MKRN1: variants seen among roughly 807,000 people sequenced by gnomAD.
MKRN1 encodes E3 ubiquitin-protein ligase makorin-1.
A neutral mutation model predicts 55.5 loss-of-function variants in MKRN1; 9 were observed. That is an observed-to-expected ratio of 0.16 (90% CI 0.10 to 0.28). The LOEUF is 0.28. Ranked by LOEUF, MKRN1 falls within the 10% of genes least tolerant of loss-of-function variation. MKRN1 has a pLI of 1.00. For synonymous variants in MKRN1, 253 were observed against 235.9 expected, an observed-to-expected ratio of 1.07 and a Z score of -0.66; for missense variants, 488 against 626.7, an observed-to-expected ratio of 0.78 and a Z score of 2.36.
intron 2 of MKRN1, among the ~76,000 whole-genome samples, chr7:140,464,598 G>A (rs752630346): frequency 1.3e-5 from 2 of 151,860 alleles, no homozygotes; most frequent in Non-Finnish European, 2.9e-5. Context: ...TCAGCTACTC[G>A]GGAGACTGAG....
chr7:140,472,113 A>T, intron 1 of MKRN1, 102 bp from the exon 2 acceptor site: 2 of 1,471,300 alleles, frequency 1.4e-6, no homozygotes, highest in Non-Finnish European at 1.9e-6. Context: ...AAATACACAA[A>T]CATACGAAAT....
chr7:140,455,475 ATCT>A (rs985667867), intron 6 of MKRN1: 1 of 571,824 alleles, frequency 1.7e-6, no homozygotes, highest in Non-Finnish European at 3.1e-6. Context: ...TAGAGAGAAA[ATCT>A]TCTAGAAAGC....
At chr7:140,465,651 G>GA (rs1208676796) in intron 2 of MKRN1, among the ~76,000 whole-genome samples, 1 of 152,092 alleles carries the variant, frequency 6.6e-6, no homozygotes, top group African/African-American at 2.4e-5. Flanking sequence ...CCACCATTAC[G>GA]AAACACTGAT....
chr7:140,456,324 AT>A, intron 5 of MKRN1: 1 of 1,211,336 alleles, frequency 8.3e-7, no homozygotes, highest in Non-Finnish European at 1.0e-6. Flanking sequence ...GAAAGTGGAA[AT>A]GTAAAACGTC....
intron 2 of MKRN1, among the ~76,000 whole-genome samples, chr7:140,467,950 C>T (rs184293482): frequency 1.4e-5 from 2 of 143,166 alleles, no homozygotes; most frequent in African/African-American, 2.7e-5. Context: ...TGCGGTGAGC[C>T]GAGATCATGC....
Position 140,479,168 on chromosome 7 carries a change from G to C in MKRN1, c.177C>G (p.Val59=). 3 of 1,442,588 alleles carry C rather than the reference G, an allele frequency of 2.1e-6. No homozygotes were observed. The highest frequency in any genetic ancestry group is 1.4e-5 in the South Asian group (1 of 71,872). 89.4% of individuals were successfully genotyped at this position (1,442,588 alleles called of 1,614,324 possible). The change falls in exon 1 of 8, where the codon GTC becomes GTG. Residue 59 remains valine, a synonymous_variant. Transcript: ENST00000255977. ...GCCGCGCAACGTCCTACCTGCAGGT[G>C]ACCTGTTTAGTCCAGCCGCCGCCGC... ...DGSGGGWTKQ[V]TCRYFMHGVC...
At chr7:140,462,739 T>C (rs943398572) in intron 2 of MKRN1, among the ~76,000 whole-genome samples, 1 of 151,924 alleles carries the variant, frequency 6.6e-6, no homozygotes, top group Admixed American at 6.6e-5. Flanking sequence ...CTGAGGTGGG[T>C]GGATCACGAG....
intron 6 of MKRN1, 83 bp from the exon 7 acceptor site, chr7:140,455,316 G>GT: frequency 6.5e-7 from 1 of 1,549,342 alleles, no homozygotes; most frequent in Non-Finnish European, 8.8e-7. Context: ...CTTTAAACAG[G>GT]TAGGGATAGA....
intron 5 of MKRN1, chr7:140,456,426 G>A (rs941320530): frequency 7.3e-6 from 10 of 1,375,260 alleles, no homozygotes; most frequent in South Asian, 4.7e-5. Context: ...GAAAAAGCAC[G>A]AAGATTCTAA....
intron 2 of MKRN1, among the ~76,000 whole-genome samples, chr7:140,470,534 G>A (rs529044547): frequency 4.6e-5 from 7 of 152,076 alleles, no homozygotes; most frequent in Non-Finnish European, 7.4e-5. Flanking sequence ...GCAGTGAGCC[G>A]AAATTGCGCC....
intron 1 of MKRN1, among the ~76,000 whole-genome samples, chr7:140,474,005 A>AAGAAAGAAAGAAAGAAAGAAAAAGAAAG (rs1554450299): frequency 1.5e-5 from 1 of 65,658 alleles, no homozygotes; most frequent in African/African-American, 9.6e-5. Context: ...AAAAAAAAAA[A>AAGAAAGAAAGAAAGAAAGAAAAAGAAAG]AAAGAAAGAA....
rs574470350 is a variant in MKRN1 at position 140,473,136 on chromosome 7, C to A, written c.186-1125G>T. ...AAAGAAAAAGAAAAAAAGATATAGT[C>A]TACGTCAAAGAATTTCTCCTCCAAA... On this transcript the variant is annotated intron_variant, in intron 1 of 7. Coordinates refer to ENST00000255977, the MANE Select transcript of MKRN1 (RefSeq NM_013446.4). 1.7e-3 allele frequency: 644 copies of A among 388,234 alleles called. 4 individuals are homozygous for A. Among genetic ancestry groups the A allele is most frequent in the South Asian group, 2.7e-3 (139 of 52,228 alleles). 24.0% of individuals were successfully genotyped at this position (388,234 alleles called of 1,614,324 possible).
chr7:140,460,037 T>G, intron 2 of MKRN1, 101 bp from the exon 3 acceptor site: 1 of 1,045,576 alleles, frequency 9.6e-7, no homozygotes, highest in Non-Finnish European at 1.4e-6. Context: ...ACCAGAGAGG[T>G]TGGGAGTTCG....
At chr7:140,474,915 C>T (rs1212135229) in intron 1 of MKRN1, among the ~76,000 whole-genome samples, 2 of 151,764 alleles carry the variant, frequency 1.3e-5, no homozygotes, top group African/African-American at 4.8e-5. Flanking sequence ...GAACGGGTTT[C>T]GTCATGTTGG....
At chr7:140,457,803 CAT>C (rs1488644550) in intron 4 of MKRN1, among the ~76,000 whole-genome samples, 1 of 151,402 alleles carries the variant, frequency 6.6e-6, no homozygotes, top group Non-Finnish European at 1.5e-5. Context: ...AAAGAAAAAA[CAT>C]ATATACATAT....
Position 140,459,042 on chromosome 7 carries a change from G to A in MKRN1, c.736C>T (p.Pro246Ser). 1 of 1,613,944 alleles carries A rather than the reference G, an allele frequency of 6.2e-7. No individual in the cohort carries two copies. The highest frequency in any genetic ancestry group is 8.5e-7 in the Non-Finnish European group (1 of 1,179,868). The change falls in exon 4 of 8, where the codon CCA becomes TCA. Residue 246 changes from proline (P) to serine (S), a missense_variant. Physicochemically the swap from Pro to Ser is moderately conservative, Grantham distance 74. This residue lies in a region of MKRN1 where 278 missense variants were observed against 406.7 expected (regional missense o/e 0.68). Transcript: ENST00000255977. ...CDMCGLQVLH[P>S]MDAAQRSQHI... The stretch of plus-strand genomic sequence containing the variant: ...TGCGATCTCTGGGCAGCATCCATTG[G>A]ATGCAGGACCTGCAGCCCACACATG...
intron 3 of MKRN1, 56 bp from the exon 4 acceptor site, chr7:140,459,289 G>A: frequency 1.3e-6 from 2 of 1,547,528 alleles, no homozygotes; most frequent in East Asian, 2.3e-5. Context: ...TGAACTATAA[G>A]AGAACTGAGA....
intron 1 of MKRN1, chr7:140,474,351 A>G: frequency 4.4e-6 from 1 of 228,584 alleles, no homozygotes; most frequent in Non-Finnish European, 9.3e-6. Context: ...CAAAAAAAAC[A>G]AACAATTAGC....
chr7:140,470,099 T>C (rs1794881845), intron 2 of MKRN1, among the ~76,000 whole-genome samples: 1 of 145,606 alleles, frequency 6.9e-6, no homozygotes, highest in Admixed American at 7.0e-5. Context: ...TGCATGCTTG[T>C]AATCCTAGCT....
Sources: gnomAD v4.1 joint callset for allele counts (sites outside exome capture counted in the v4.1 genomes callset) on GRCh38, gnomAD v4.1.1 for gene constraint, gnomAD v4.1.1 regional missense constraint, MANE v1.5 for transcripts, NCBI Gene and HGNC (gene_info 2026-07-23, HGNC 2026-07-21) for gene names.